The following DNAH9 variants were observed in gnomAD, a reference collection of about 807,000 sequenced individuals.
DNAH9 encodes dynein axonemal heavy chain 9.
In DNAH9, 345 loss-of-function variants were observed where a neutral mutation model predicts 471.6. That is an observed-to-expected ratio of 0.73 (90% confidence interval 0.67 to 0.80). The LOEUF (loss-of-function observed/expected upper bound fraction) is 0.80, where lower values mean the gene tolerates loss of function less well. Among genes scored for constraint, DNAH9 ranks in the 30% least tolerant of loss-of-function variants. The pLI is 0.00. For synonymous variants in DNAH9, 2,093 were observed against 2,123.6 expected (o/e 0.99, Z 0.40); for missense variants, 5,407 against 5,609.2 (o/e 0.96, Z 1.15).
At chr17:11,629,892 C>T (rs2073035279) in intron 7 of DNAH9, among the ~76,000 whole-genome samples, 1 of 152,096 alleles carries the variant, frequency 6.6e-6, no homozygotes. Context: ...GAGGCGGTGG[C>T]CACCCTGTGG....
At position 11,854,351 on chromosome 17, in the gene DNAH9, C is replaced by T. The variant is rs990212558; in HGVS notation, c.9856C>T (p.Arg3286Cys). Residue 3286 changes from arginine to cysteine, a missense_variant, in exon 50 of 69, where the codon CGC (arginine) becomes TGC (cysteine). Physicochemically the swap from Arg to Cys is radical, Grantham distance 180. Transcript: ENST00000262442. ...GGTGTTCTGTGATGTGGAACCCAAG[C>T]GCCAGGCACTGAACAAAGCCACCGC... is the stretch of plus-strand genomic sequence containing the variant. ...YEVFCDVEPK[R>C]QALNKATADL... 7 of 1,614,042 alleles carry T rather than the reference C, an allele frequency of 4.3e-6. No individual in the cohort carries two copies. Among genetic ancestry groups the T allele is most frequent in the Admixed American group, 1.7e-5 (1 of 60,004 alleles).
intron 67 of DNAH9, among the ~76,000 whole-genome samples, chr17:11,948,590 G>A (rs1975236503): frequency 6.6e-6 from 1 of 152,118 alleles, no homozygotes; most frequent in South Asian, 2.1e-4. Context: ...GTCTGGAAGG[G>A]TGGGCCGTGC....
intron 8 of DNAH9, among the ~76,000 whole-genome samples, chr17:11,635,139 C>T (rs2073136897): frequency 6.6e-6 from 1 of 151,902 alleles, no homozygotes; most frequent in African/African-American, 2.4e-5. Context: ...TTCTGTCACA[C>T]ACTCTTTTTC....
In DNAH9 at chr17:11,717,091, C is replaced by T. The variant is rs1490967450; in HGVS notation, c.5553-2243C>T. Among the ~76,000 whole-genome samples the T allele has an allele frequency of 3.9e-5, 6 of 152,348 alleles. No individual in the cohort carries two copies. The South Asian group carries it at 8.3e-4, about 21-fold the overall frequency. ...GTAACAGTGGCCAAGAAGGACAAGA[C>T]GAGACCCAACTTTTCACCCTAACCC... On this transcript the variant is annotated intron_variant, in intron 26 of 68. Transcript: ENST00000262442.
chr17:11,633,919 C>G (rs2073113366), intron 8 of DNAH9, among the ~76,000 whole-genome samples: 1 of 152,216 alleles, frequency 6.6e-6, no homozygotes, highest in Non-Finnish European at 1.5e-5. Flanking sequence ...TAAATTTTAT[C>G]TGCCAAGAAA....
At chr17:11,899,762 G>C (rs145369207) in intron 59 of DNAH9, among the ~76,000 whole-genome samples, 9 of 152,082 alleles carry the variant, frequency 5.9e-5, no homozygotes, top group African/African-American at 2.2e-4. Flanking sequence ...TCAGCTCCTC[G>C]GCACAGAGAG....
chr17:11,689,366 G>GTGTTT (rs965566752), intron 19 of DNAH9, among the ~76,000 whole-genome samples, 200 bp from the exon 20 acceptor site: 2 of 146,338 alleles, frequency 1.4e-5, no homozygotes, highest in African/African-American at 5.0e-5. Flanking sequence ...TCCTGAGTGT[G>GTGTTT]TTTTTTTTTT....
intron 63 of DNAH9, 43 bp from the exon 64 acceptor site, chr17:11,931,971 G>T (rs199603883): frequency 5.5e-5 from 89 of 1,604,972 alleles, no homozygotes; most frequent in Admixed American, 1.2e-4. Context: ...CCCCGTATAA[G>T]AGAAGTTGTG....
chr17:11,935,622 C>T (rs1171484719), intron 65 of DNAH9, among the ~76,000 whole-genome samples: 1 of 152,032 alleles, frequency 6.6e-6, no homozygotes, highest in Non-Finnish European at 1.5e-5. Context: ...GATCCTCCCA[C>T]CTCAGCCTCC....
intron 19 of DNAH9, 26 bp downstream of exon 19, chr17:11,680,915 C>G (rs886120085): frequency 1.9e-6 from 3 of 1,586,044 alleles, no homozygotes; most frequent in Non-Finnish European, 2.6e-6. Flanking sequence ...TGCTGCCTCT[C>G]TTTCTGTGAA....
intron 51 of DNAH9, among the ~76,000 whole-genome samples, chr17:11,869,674 C>T (rs1972191244): frequency 1.3e-5 from 2 of 152,182 alleles, no homozygotes; most frequent in African/African-American, 4.8e-5. Flanking sequence ...CCTACTGACC[C>T]TGAGTATTTC....
At chr17:11,845,027 T>A (rs992821585) in intron 49 of DNAH9, among the ~76,000 whole-genome samples, 1 of 151,970 alleles carries the variant, frequency 6.6e-6, no homozygotes, top group Non-Finnish European at 1.5e-5. Context: ...TATTATACTT[T>A]AAGTTTTAGG....
intron 33 of DNAH9, among the ~76,000 whole-genome samples, chr17:11,755,524 A>G (rs752301023): frequency 2.0e-5 from 3 of 152,158 alleles, no homozygotes; most frequent in Non-Finnish European, 4.4e-5. Context: ...TTCTTTTTGT[A>G]GGGATCTTTC....
chr17:11,806,111 G>A (rs16945360), intron 43 of DNAH9, among the ~76,000 whole-genome samples: 8,296 of 152,244 alleles, frequency 0.054, 707 homozygotes, highest in African/African-American at 0.18. Context: ...TTTCTCTAAA[G>A]CAGCTTGATC....
Position 11,930,528 on chromosome 17 carries a change from G to A in DNAH9, c.12105+435G>A, listed in dbSNP as rs9896473. ...AAGGGTTCAAAGAATCCAGGTGTTA[G>A]GTAGTGGGGATATGGATTTGAAATG... On this transcript the variant is annotated intron_variant, in intron 63 of 68. Transcript: ENST00000262442. Among the ~76,000 whole-genome samples the A allele has an allele frequency of 2.1e-3, 324 of 152,218 alleles. 2 individuals carry two copies. Among genetic ancestry groups the A allele is most frequent in the African/African-American group, 7.3e-3 (302 of 41,534 alleles).
At chr17:11,807,472 A>C (rs1287476830) in intron 43 of DNAH9, among the ~76,000 whole-genome samples, 1 of 152,150 alleles carries the variant, frequency 6.6e-6, no homozygotes, top group Non-Finnish European at 1.5e-5. Context: ...CATCCCCTGC[A>C]ATCCTGCTCC....
chr17:11,943,587 G>C (rs546209229), intron 67 of DNAH9, among the ~76,000 whole-genome samples: 1 of 152,204 alleles, frequency 6.6e-6, no homozygotes, highest in African/African-American at 2.4e-5. Context: ...TGAGGCAGGA[G>C]AATAGCGTGA....
intron 28 of DNAH9, 55 bp from the exon 29 acceptor site, chr17:11,738,825 A>C: frequency 1.3e-6 from 2 of 1,520,302 alleles, no homozygotes; most frequent in South Asian, 1.1e-5. Flanking sequence ...TTTAGTTATG[A>C]TCCCTCCACT....
In DNAH9 at chr17:11,881,195, C is replaced by G. The variant is rs1187554343; in HGVS notation, c.10602-14C>G. 6.2e-7 allele frequency: 1 copy of G among 1,614,040 alleles called. No individual in the cohort carries two copies. On this transcript the variant is annotated splice_polypyrimidine_tract_variant and intron_variant, in intron 54 of 68. Transcript: ENST00000262442. ...GGAAGGCACCTTACCTTCACATGAG[C>G]CTTTATGTTCCAGATTCATTAAAAT...
Sources: gnomAD v4.1 joint callset for allele counts (sites outside exome capture counted in the v4.1 genomes callset) on GRCh38, gnomAD v4.1.1 for gene constraint, MANE v1.5 for transcripts, NCBI Gene and HGNC (gene_info 2026-07-23, HGNC 2026-07-21) for gene names.